Variants in DIO1 observed in about 807,000 individuals in gnomAD.
The protein encoded by DIO1 is type I iodothyronine deiodinase.
In DIO1, 17 loss-of-function variants were observed where a neutral mutation model predicts 25.9. That is an observed-to-expected ratio of 0.66 (90% CI 0.45 to 0.98). DIO1 has a LOEUF of 0.98. Among genes scored for constraint, DIO1 ranks in the 50% least tolerant of loss-of-function variants. The pLI is 0.00. For synonymous variants in DIO1, 115 were observed against 114.0 expected (o/e 1.01, Z -0.05); for missense variants, 270 against 310.4 (o/e 0.87, Z 0.98).
intron 3 of DIO1, among the ~76,000 whole-genome samples, chr1:53,906,562 C>T (rs1226341233): frequency 6.6e-6 from 1 of 152,230 alleles, no homozygotes; most frequent in Non-Finnish European, 1.5e-5. Flanking sequence ...ATCCTCCCGG[C>T]TTCCTTTTGA....
chr1:53,898,044 T>C (rs1651168606), intron 1 of DIO1, among the ~76,000 whole-genome samples: 1 of 150,820 alleles, frequency 6.6e-6, no homozygotes, highest in Non-Finnish European at 1.5e-5. Context: ...TAACTCAGAG[T>C]GAGAGATGGT....
At chr1:53,904,926 A>C in intron 2 of DIO1, 117 bp downstream of exon 2, 4 of 1,184,386 alleles carry the variant, frequency 3.4e-6, no homozygotes, top group Admixed American at 2.3e-5. Context: ...GGAGAGGGAA[A>C]GAGCCACTAT....
intron 3 of DIO1, among the ~76,000 whole-genome samples, chr1:53,906,737 A>G (rs1480304466): frequency 6.6e-6 from 1 of 150,760 alleles, no homozygotes; most frequent in East Asian, 1.9e-4. Flanking sequence ...GCTCACTGCA[A>G]CCTCCACCTC....
chr1:53,906,759 C>A (rs907102313), intron 3 of DIO1, among the ~76,000 whole-genome samples: 1 of 151,952 alleles, frequency 6.6e-6, no homozygotes, highest in East Asian at 1.9e-4. Flanking sequence ...CGGGTTCAAG[C>A]AATTCTCCTG....
chr1:53,902,071 T>A (rs532218530), intron 1 of DIO1, among the ~76,000 whole-genome samples: 1 of 149,806 alleles, frequency 6.7e-6, no homozygotes, highest in South Asian at 2.1e-4. Flanking sequence ...TGTTGCTCTC[T>A]ATGCCGGGTT....
chr1:53,907,314 T>C (rs1259805824), intron 3 of DIO1, among the ~76,000 whole-genome samples: 2 of 152,118 alleles, frequency 1.3e-5, no homozygotes, highest in Non-Finnish European at 2.9e-5. Context: ...CTTAAGAAGG[T>C]AGAAACTACA....
chr1:53,896,144 G>T (rs1651059055), intron 1 of DIO1, among the ~76,000 whole-genome samples: 1 of 151,884 alleles, frequency 6.6e-6, no homozygotes, highest in African/African-American at 2.4e-5. Context: ...GGGCCTAGAT[G>T]CAGCAGGTAG....
intron 3 of DIO1, among the ~76,000 whole-genome samples, chr1:53,907,250 G>A (rs903248750): frequency 2.6e-5 from 4 of 152,180 alleles, no homozygotes; most frequent in Non-Finnish European, 5.9e-5. Context: ...CCTGGTCAGG[G>A]TGAGGGAGGT....
chr1:53,909,990 C>G lies in DIO1; in HGVS notation c.741C>G (p.Leu247=), dbSNP rs541559216. 6.2e-7 allele frequency: 1 copy of G among 1,614,036 alleles called. No homozygotes were observed. The highest frequency in any genetic ancestry group is 1.7e-5 in the Admixed American group (1 of 60,006). ...PEEVRAVLEK[L]HS is the part of the protein sequence containing the mutation. ...AAGTTCGTGCTGTTCTGGAAAAGCT[C>G]CACAGTTAATCTGGACAGATACCTC... Residue 247 remains leucine (L), a synonymous_variant, in exon 4 of 4, where the codon CTC becomes CTG. Transcript: ENST00000361921.
intron 1 of DIO1, among the ~76,000 whole-genome samples, chr1:53,901,758 C>T (rs1025665074): frequency 6.6e-6 from 1 of 152,080 alleles, no homozygotes; most frequent in Non-Finnish European, 1.5e-5. Flanking sequence ...TAGTCAAGTG[C>T]ACCTATAGTT....
intron 2 of DIO1, 139 bp downstream of exon 2, chr1:53,904,948 C>T: frequency 3.4e-6 from 3 of 883,726 alleles, no homozygotes; most frequent in Non-Finnish European, 5.1e-6. Flanking sequence ...CACTGAGCAC[C>T]CACCACTCCC....
intron 1 of DIO1, among the ~76,000 whole-genome samples, chr1:53,900,741 A>G (rs567398933): frequency 2.6e-5 from 4 of 152,140 alleles, no homozygotes; most frequent in Non-Finnish European, 5.9e-5. Context: ...CTCCCCATCT[A>G]TCTGCAAACC....
intron 3 of DIO1, among the ~76,000 whole-genome samples, chr1:53,908,255 C>T (rs1651762582): frequency 6.6e-6 from 1 of 152,014 alleles, no homozygotes; most frequent in South Asian, 2.1e-4. Context: ...ATGGCCCACA[C>T]CCTTACTTCA....
chr1:53,895,422 C>A (rs1194595504), intron 1 of DIO1, among the ~76,000 whole-genome samples: 1 of 141,142 alleles, frequency 7.1e-6, no homozygotes, highest in African/African-American at 2.7e-5. Flanking sequence ...GACGCTGTCA[C>A]AAATTTAAAA....
intron 3 of DIO1, among the ~76,000 whole-genome samples, chr1:53,907,910 TC>T (rs1232345130): frequency 4.5e-5 from 3 of 66,848 alleles, no homozygotes; most frequent in African/African-American, 2.4e-4. Context: ...AAACTCTGTC[TC>T]GGAAAAAAAA....
At chr1:53,902,413 C>T (rs543991404) in intron 1 of DIO1, among the ~76,000 whole-genome samples, 7 of 151,806 alleles carry the variant, frequency 4.6e-5, no homozygotes, top group Non-Finnish European at 1.0e-4. Flanking sequence ...CATTCTCTGC[C>T]GAATCCCCAG....
intron 1 of DIO1, among the ~76,000 whole-genome samples, chr1:53,902,008 G>T (rs759749835): frequency 1.1e-4 from 17 of 152,022 alleles, no homozygotes; most frequent in Non-Finnish European, 1.9e-4. Context: ...CTTTACAAAG[G>T]CTTATGGGAG....
rs986451860 is a variant in DIO1, at chr1:53,910,280, C to T, written c.*281C>T. On this transcript the variant is annotated 3_prime_UTR_variant, in exon 4 of 4. Coordinates refer to ENST00000361921, the MANE Select transcript of DIO1 (RefSeq NM_000792.7). ...CTGTTGAAGAAAGTAGAGCCTGACA[C>T]TGCTCCCACTTTGGAGACCACATTC... 4.7e-6 allele frequency: 2 copies of T among 422,464 alleles called. No individual in the cohort carries two copies. The highest frequency in any genetic ancestry group is 8.8e-6 in the Non-Finnish European group (2 of 227,648). 26.2% of individuals were successfully genotyped at this position (422,464 alleles called of 1,614,324 possible).
rs542947113 is a variant in DIO1, at chr1:53,904,877, C to T, written c.481+68C>T. ...TTTTCTCTCTCCCTTTTCCCCAGGC[C>T]CCATCTCAAGGTTGGGAGGTGGAAG... On this transcript the variant is annotated intron_variant, in intron 2 of 3. Transcript: ENST00000361921. The T allele has an allele frequency of 1.6e-5, 24 of 1,534,108 alleles. No individual in the cohort carries two copies. In the African/African-American group the frequency reaches 2.1e-4, roughly 13 times the overall value.
Sources: allele counts gnomAD v4.1 joint callset (sites outside exome capture counted in the v4.1 genomes callset), GRCh38; gene constraint gnomAD v4.1.1; transcripts MANE v1.5; gene names NCBI Gene and HGNC (gene_info 2026-07-23, HGNC 2026-07-21).